Variants in DHX57 observed in about 807,000 individuals in gnomAD.
The protein encoded by DHX57 is DExH-box helicase 57, also known as putative ATP-dependent RNA helicase DHX57.
Under a neutral mutation model 156.2 loss-of-function variants are expected in DHX57, and 105 were observed. The ratio of observed to expected loss-of-function variants is 0.67; its 90% CI spans 0.57 to 0.79. DHX57 has a LOEUF of 0.79. Ranked by LOEUF, DHX57 falls within the 30% of genes least tolerant of loss-of-function variation. The pLI, the probability that DHX57 is intolerant of heterozygous loss-of-function variation, is 0.00. For synonymous variants in DHX57, 704 were observed against 595.6 expected (o/e 1.18, Z -2.65); for missense variants, 1,847 against 1,661.9 (o/e 1.11, Z -1.94).
At chr2:38,857,382 T>G (rs1245137167) in intron 6 of DHX57, among the ~76,000 whole-genome samples, 1 of 152,230 alleles carries the variant, frequency 6.6e-6, no homozygotes, top group Non-Finnish European at 1.5e-5. Flanking sequence ...ATTGCCTTGT[T>G]TGTTAAAACT....
intron 2 of DHX57, among the ~76,000 whole-genome samples, chr2:38,865,439 G>T (rs1015334694): frequency 6.6e-6 from 1 of 152,128 alleles, no homozygotes; most frequent in African/African-American, 2.4e-5. Flanking sequence ...CAGCATGATT[G>T]TAAGTTTCCT....
chr2:38,870,346 C>T (rs1665295015), intron 1 of DHX57, among the ~76,000 whole-genome samples: 1 of 152,152 alleles, frequency 6.6e-6, no homozygotes, highest in Non-Finnish European at 1.5e-5. Context: ...AAATCAATAA[C>T]CTCTACATGC....
At chr2:38,874,241 C>A (rs993071877) in intron 1 of DHX57, among the ~76,000 whole-genome samples, 6 of 150,954 alleles carry the variant, frequency 4.0e-5, no homozygotes, top group Non-Finnish European at 7.4e-5. Context: ...ACAGGTGCAC[C>A]ACCACACCCA....
rs1432824262 is a variant in DHX57 at position 38,808,156 on chromosome 2, T to C, written c.3682-1463A>G. 4.6e-5 allele frequency among the ~76,000 whole-genome samples: 7 copies of C among 151,350 alleles called. No homozygotes were observed. The South Asian group carries it at 1.3e-3, about 27-fold the overall frequency. Reference sequence around the variant, plus strand: ...TTTTAGTAGAGACAGGGTTTCACCATGTTGGTCAGGATGGTCTCGATCTCT... The same window carrying C: ...TTTTAGTAGAGACAGGGTTTCACCACGTTGGTCAGGATGGTCTCGATCTCT... On this transcript the variant is annotated intron_variant, in intron 21 of 23. Coordinates refer to ENST00000457308, the MANE Select transcript of DHX57 (RefSeq NM_198963.3).
intron 13 of DHX57, among the ~76,000 whole-genome samples, chr2:38,834,702 A>G (rs1234590099): frequency 6.6e-6 from 1 of 152,184 alleles, no homozygotes; most frequent in African/African-American, 2.4e-5. Context: ...ATGACATCAC[A>G]AGCAAAAGGT....
At chr2:38,858,927 A>T in intron 5 of DHX57, 91 bp from the exon 6 acceptor site, 1 of 1,310,052 alleles carries the variant, frequency 7.6e-7, no homozygotes, top group African/African-American at 1.5e-5. Context: ...CAACAACAAA[A>T]AGTCAAAATG....
chr2:38,856,551 T>G, intron 6 of DHX57, 90 bp from the exon 7 acceptor site: 1 of 1,460,252 alleles, frequency 6.8e-7, no homozygotes. Context: ...GTTGCCAGGC[T>G]GGAGTGCAGT....
At chr2:38,827,505 AATATATATATAT>A (rs61667849) in intron 14 of DHX57, among the ~76,000 whole-genome samples, 5 of 10,140 alleles carry the variant, frequency 4.9e-4, no homozygotes, top group African/African-American at 7.1e-4. Context: ...AAAAAAAAAA[AATATATATATAT>A]ATATATATAT....
At position 38,852,456 on chromosome 2, in the gene DHX57, G is replaced by T. The variant is rs1672652914; in HGVS notation, c.2030+1598C>A. Among the ~76,000 whole-genome samples the T allele has an allele frequency of 2.7e-5, 4 of 146,612 alleles. 1 individual carries two copies. In the South Asian group the frequency reaches 8.7e-4, roughly 32 times the overall value. ...GATATTTATTGTGGTACAATACTTT[G>T]TGGGAAAACTTCATAATTTTCACAG... is the stretch of plus-strand genomic sequence containing the variant. On this transcript the variant is annotated intron_variant, in intron 9 of 23. Transcript: ENST00000457308.
chr2:38,874,067 C>A (rs12479213), intron 1 of DHX57, among the ~76,000 whole-genome samples: 30,397 of 151,784 alleles, frequency 0.2, 4,156 homozygotes, highest in East Asian at 0.57. Flanking sequence ...GTTTTGCATT[C>A]CAGGAATACT....
chr2:38,807,444 G>T (rs1670009190), intron 21 of DHX57, among the ~76,000 whole-genome samples: 1 of 152,022 alleles, frequency 6.6e-6, no homozygotes, highest in African/African-American at 2.4e-5. Context: ...TGCAAGTTCC[G>T]CCTCCCGGGT....
chr2:38,823,332 A>C, intron 16 of DHX57, 63 bp from the exon 17 acceptor site: 1 of 1,469,696 alleles, frequency 6.8e-7, no homozygotes, highest in African/African-American at 1.4e-5. Context: ...ACAGAGGAAT[A>C]ATTTCTTTTG....
chr2:38,813,310 A>G (rs941354017), intron 21 of DHX57, among the ~76,000 whole-genome samples: 1 of 152,162 alleles, frequency 6.6e-6, no homozygotes, highest in Non-Finnish European at 1.5e-5. Flanking sequence ...TTTATACAAT[A>G]AATGTGTTAT....
chr2:38,853,719 C>T (rs930709801), intron 9 of DHX57: 2 of 161,338 alleles, frequency 1.2e-5, no homozygotes, highest in African/African-American at 4.8e-5. Context: ...GCCAAATAAA[C>T]AAGGAAGAAG....
At chr2:38,847,871 C>T (rs1358784497) in intron 10 of DHX57, among the ~76,000 whole-genome samples, 1 of 152,070 alleles carries the variant, frequency 6.6e-6, no homozygotes, top group Admixed American at 6.5e-5. Context: ...ATCGTGAGGT[C>T]AGGAGATGGA....
chr2:38,837,880 T>A lies in DHX57; in HGVS notation c.2493A>T (p.Ile831=), dbSNP rs760000776. The A allele has an allele frequency of 1.2e-6, 2 of 1,613,822 alleles. No individual in the cohort carries two copies. The highest frequency in any genetic ancestry group is 4.5e-5 in the East Asian group (2 of 44,872). ...CCACAATCCACTCTAATAAGGCCTC[T>A]ATTAATTCAAGATTCACCTTTTCAA... ...MDFEKVNLEL[I]EALLEWIVDG... Residue 831 remains isoleucine (I), a synonymous_variant, in exon 13 of 24, where the codon ATA becomes ATT. Transcript: ENST00000457308.
rs1322764470 is a variant in DHX57 at position 38,806,387 on chromosome 2, T to C, written c.3816+172A>G. On this transcript the variant is annotated intron_variant, in intron 22 of 23. Transcript: ENST00000457308. The stretch of plus-strand genomic sequence containing the variant: ...TAGAATTTTCTTCAAATGGAAATAG[T>C]CTTTCCAGAAATAGTCCAATTTCCA... The C allele has an allele frequency of 7.4e-6, 5 of 674,528 alleles. No homozygotes were observed. The African/African-American group carries it at 9.2e-5, about 12-fold the overall frequency. 41.8% of individuals were successfully genotyped at this position (674,528 alleles called of 1,614,324 possible). A position where few individuals can be genotyped will look rare whatever the true frequency, so the allele number is the denominator to read the frequency against.
intron 13 of DHX57, among the ~76,000 whole-genome samples, chr2:38,830,554 A>C (rs1376005620): frequency 6.6e-6 from 1 of 152,018 alleles, no homozygotes; most frequent in Non-Finnish European, 1.5e-5. Context: ...ACTTGAACCC[A>C]GGAAGTGGAG....
chr2:38,811,580 C>G, intron 21 of DHX57: 1 of 1,365,948 alleles, frequency 7.3e-7, no homozygotes, highest in Non-Finnish European at 1.0e-6. Context: ...AGCCTTGTTC[C>G]TTCAGCCACA....
Sources: allele counts gnomAD v4.1 joint callset (sites outside exome capture counted in the v4.1 genomes callset), GRCh38; gene constraint gnomAD v4.1.1; transcripts MANE v1.5; gene names NCBI Gene and HGNC (gene_info 2026-07-23, HGNC 2026-07-21).